Variants in RAB38 observed in about 807,000 individuals in gnomAD.
RAB38 encodes the protein ras-related protein Rab-38.
Under a neutral mutation model 18.4 loss-of-function variants are expected in RAB38, and 15 were observed. That is an observed-to-expected ratio of 0.82 (90% CI 0.55 to 1.26). The LOEUF (loss-of-function observed/expected upper bound fraction) is 1.26, where lower values mean the gene tolerates loss of function less well. Ranked by LOEUF, RAB38 falls within the 50% of genes most tolerant of loss-of-function variation. RAB38 has a pLI of 0.00. For missense variants in RAB38, 294 were observed against 267.4 expected (o/e 1.10, Z -0.69); for synonymous variants, 101 against 104.4 (o/e 0.97, Z 0.20).
At chr11:88,094,792 T>A in the RAB38 span, among the ~76,000 whole-genome samples, 1 of 151,974 alleles carries the variant, frequency 6.6e-6, no homozygotes, top group Non-Finnish European at 1.5e-5. Context: ...TCGAGTGTGT[T>A]CTTTGTGCTG....
At chr11:88,074,755 C>T in the RAB38 span, among the ~76,000 whole-genome samples, 1 of 152,100 alleles carries the variant, frequency 6.6e-6, no homozygotes, top group Non-Finnish European at 1.5e-5. Context: ...TTAAAAGGCA[C>T]AGGATAGCTG....
the RAB38 span, among the ~76,000 whole-genome samples, chr11:87,831,768 A>C: frequency 6.6e-6 from 1 of 152,214 alleles, no homozygotes; most frequent in East Asian, 1.9e-4. Context: ...CAAGCTTTAC[A>C]GTTGGCCCTA....
At chr11:87,937,070 C>T in the RAB38 span, among the ~76,000 whole-genome samples, 1 of 151,612 alleles carries the variant, frequency 6.6e-6, no homozygotes, top group Non-Finnish European at 1.5e-5. Context: ...GAAAAATATT[C>T]AGTCTTTAAT....
At chr11:87,908,163 A>G in the RAB38 span, among the ~76,000 whole-genome samples, 6 of 151,912 alleles carry the variant, frequency 3.9e-5, no homozygotes, top group Non-Finnish European at 8.8e-5. Context: ...CTCATAAGAG[A>G]GAATGAAATC....
At chr11:88,041,615 A>G in the RAB38 span, among the ~76,000 whole-genome samples, 1 of 152,220 alleles carries the variant, frequency 6.6e-6, no homozygotes, top group Non-Finnish European at 1.5e-5. Context: ...TAATGCATAG[A>G]TCAGTTGGTT....
the RAB38 span, among the ~76,000 whole-genome samples, chr11:88,058,490 C>T: frequency 6.6e-6 from 1 of 152,186 alleles, no homozygotes; most frequent in Non-Finnish European, 1.5e-5. Context: ...TTTTGATCTG[C>T]ATAATTGATG....
At chr11:88,030,997 G>A in the RAB38 span, among the ~76,000 whole-genome samples, 2,234 of 150,188 alleles carry the variant, frequency 0.015, 48 homozygotes, top group African/African-American at 0.05. Flanking sequence ...CTGGCAAACC[G>A]AATCCAGCAG....
At chr11:87,839,208 A>G in the RAB38 span, among the ~76,000 whole-genome samples, 1 of 152,182 alleles carries the variant, frequency 6.6e-6, no homozygotes, top group African/African-American at 2.4e-5. Flanking sequence ...AAATGTGTTA[A>G]TAGATTTTAG....
At chr11:88,054,002 A>G in the RAB38 span, among the ~76,000 whole-genome samples, 2 of 152,184 alleles carry the variant, frequency 1.3e-5, no homozygotes, top group African/African-American at 4.8e-5. Flanking sequence ...TTTAACTTGT[A>G]TGTGAACTTG....
chr11:87,820,934 T>C, the RAB38 span, among the ~76,000 whole-genome samples: 1 of 152,108 alleles, frequency 6.6e-6, no homozygotes, highest in African/African-American at 2.4e-5. Flanking sequence ...AAAGAAATTA[T>C]CTGAAACTAG....
At chr11:87,943,430 C>G in the RAB38 span, among the ~76,000 whole-genome samples, 2 of 152,268 alleles carry the variant, frequency 1.3e-5, no homozygotes, top group Admixed American at 1.3e-4. Flanking sequence ...GTATCATCCT[C>G]AGGTTACCAC....
chr11:88,114,116 A>G lies in RAB38; in HGVS notation c.508T>C (p.Ser170Pro), dbSNP rs1942514984. The part of the protein sequence containing the change: ...AKENINIDEA[S>P]RCLVKHILAN... ...AGTATGTGTTTCACCAGGCATCTGG[A>G]GGCTTCATCAATGTTTATATTTTCC... Residue 170 changes from serine to proline, a missense_variant, in exon 3 of 3, where the codon TCC becomes CCC. Physicochemically the swap from Ser to Pro is moderately conservative, Grantham distance 74. Transcript: ENST00000243662. 1.9e-6 allele frequency: 3 copies of G among 1,614,206 alleles called. No individual in the cohort carries two copies. The East Asian group carries it at 6.7e-5, about 36-fold the overall frequency.
the RAB38 span, among the ~76,000 whole-genome samples, chr11:88,057,528 G>A: frequency 7.3e-4 from 111 of 151,932 alleles, no homozygotes; most frequent in Middle Eastern, 3.4e-3. Context: ...TTAGCTAATC[G>A]AAATAAAGAA....
intron 2 of RAB38, among the ~76,000 whole-genome samples, chr11:88,140,221 G>A (rs892358557): frequency 1.3e-5 from 2 of 152,140 alleles, no homozygotes; most frequent in African/African-American, 4.8e-5. Flanking sequence ...CATCCACACT[G>A]CAGGGCACAA....
the RAB38 span, among the ~76,000 whole-genome samples, chr11:87,869,151 T>C: frequency 6.6e-6 from 1 of 151,710 alleles, no homozygotes; most frequent in African/African-American, 2.4e-5. Flanking sequence ...ACTTATATTT[T>C]TGTGGCAAAC....
At chr11:88,074,387 G>A in the RAB38 span, among the ~76,000 whole-genome samples, 18 of 152,120 alleles carry the variant, frequency 1.2e-4, no homozygotes, top group Non-Finnish European at 8.8e-5. Context: ...ACAACATAAA[G>A]ACTAAATATG....
At chr11:87,866,754 T>G in the RAB38 span, among the ~76,000 whole-genome samples, 1 of 151,706 alleles carries the variant, frequency 6.6e-6, no homozygotes, top group Non-Finnish European at 1.5e-5. Context: ...AGCCAAAATA[T>G]GAAGAGCTGA....
At chr11:88,175,136 C>G (rs34151721) in intron 1 of RAB38, 47 bp downstream of exon 1, 1 of 1,502,428 alleles carries the variant, frequency 6.7e-7, no homozygotes, top group Non-Finnish European at 8.9e-7. Context: ...GACTGGAAAC[C>G]GGCCGCGAGG....
At chr11:87,971,202 G>A in the RAB38 span, among the ~76,000 whole-genome samples, 96,412 of 151,882 alleles carry the variant, frequency 0.63, 30,813 homozygotes, top group East Asian at 0.75. Context: ...CAAAGACTAG[G>A]CCTCAGAGCT....
Sources: allele counts gnomAD v4.1 joint callset (sites outside exome capture counted in the v4.1 genomes callset), GRCh38; gene constraint gnomAD v4.1.1; transcripts MANE v1.5; gene names NCBI Gene and HGNC (gene_info 2026-07-23, HGNC 2026-07-21).